Variants in MAF observed in about 807,000 individuals in gnomAD.
MAF encodes MAF bZIP transcription factor.
Under a neutral mutation model 22.0 loss-of-function variants are expected in MAF, and 10 were observed. The observed-to-expected ratio is 0.45, with a 90% CI of 0.28 to 0.77. The LOEUF (loss-of-function observed/expected upper bound fraction) is 0.77, where lower values mean the gene tolerates loss of function less well. MAF is among the 30% of genes least tolerant of loss of function. The pLI is 0.12. For synonymous variants in MAF, 337 were observed against 255.8 expected (o/e 1.32, Z -3.03); for missense variants, 544 against 548.4 (o/e 0.99, Z 0.08).
At chr16:79,323,971 C>A in the MAF span, among the ~76,000 whole-genome samples, 3 of 152,116 alleles carry the variant, frequency 2.0e-5, no homozygotes, top group South Asian at 2.1e-4. Context: ...ACACCCAGAA[C>A]GTTCCAGAGC....
chr16:79,326,547 T>G, the MAF span, among the ~76,000 whole-genome samples: 2 of 152,224 alleles, frequency 1.3e-5, no homozygotes, highest in African/African-American at 2.4e-5. Context: ...CACCCTAAAT[T>G]AGTTTTAGAG....
the MAF span, among the ~76,000 whole-genome samples, chr16:79,328,921 C>T: frequency 6.6e-6 from 1 of 152,148 alleles, no homozygotes; most frequent in African/African-American, 2.4e-5. Flanking sequence ...AAGGGCATAA[C>T]TGGGTGCAGA....
At chr16:79,317,346 C>G in the MAF span, among the ~76,000 whole-genome samples, 32 of 135,682 alleles carry the variant, frequency 2.4e-4, 1 homozygote, top group African/African-American at 6.4e-4. Context: ...TTCCTTTCTT[C>G]TCCTTCCTTC....
chr16:79,213,758 G>A, the MAF span, among the ~76,000 whole-genome samples: 1 of 151,860 alleles, frequency 6.6e-6, no homozygotes, highest in Non-Finnish European at 1.5e-5. Context: ...ATTCAGAGGA[G>A]AAGAAACTGC....
chr16:79,587,709 A>C (rs1226303161), intron 1 of MAF, among the ~76,000 whole-genome samples: 2 of 151,708 alleles, frequency 1.3e-5, no homozygotes, highest in Non-Finnish European at 2.9e-5. Context: ...TTTTTGGAGG[A>C]AAAAAAACAG....
chr16:79,526,729 T>C, the MAF span, among the ~76,000 whole-genome samples: 6 of 152,128 alleles, frequency 3.9e-5, no homozygotes. Context: ...CATTTGTTCA[T>C]TTCTGTGGTG....
At chr16:79,320,227 G>A in the MAF span, among the ~76,000 whole-genome samples, 2 of 152,156 alleles carry the variant, frequency 1.3e-5, no homozygotes, top group African/African-American at 4.8e-5. Flanking sequence ...TTTGTCTGAT[G>A]TCTCTCTCTA....
chr16:79,335,167 G>A, the MAF span, among the ~76,000 whole-genome samples: 1 of 141,262 alleles, frequency 7.1e-6, no homozygotes, highest in Non-Finnish European at 1.5e-5. Context: ...CCTGGCGACA[G>A]AGCGAGACTC....
At chr16:79,258,565 G>A in the MAF span, among the ~76,000 whole-genome samples, 2 of 152,306 alleles carry the variant, frequency 1.3e-5, no homozygotes, top group Middle Eastern at 3.4e-3. Context: ...GAAGGTCTCT[G>A]ATGGGCATTT....
chr16:79,375,337 G>A, the MAF span, among the ~76,000 whole-genome samples: 1 of 152,120 alleles, frequency 6.6e-6, no homozygotes, highest in Non-Finnish European at 1.5e-5. Flanking sequence ...TCCTCCTAAA[G>A]TTCCACATTG....
the MAF span, among the ~76,000 whole-genome samples, chr16:79,320,215 T>C: frequency 6.6e-6 from 1 of 152,196 alleles, no homozygotes; most frequent in African/African-American, 2.4e-5. Flanking sequence ...GACAGAGTGA[T>C]CTTTGTCTGA....
At chr16:79,578,861 G>A in the MAF span, among the ~76,000 whole-genome samples, 3 of 152,108 alleles carry the variant, frequency 2.0e-5, no homozygotes, top group African/African-American at 7.2e-5. Flanking sequence ...TCTGAGTACA[G>A]AAATTTATTT....
chr16:79,495,833 A>G, the MAF span, among the ~76,000 whole-genome samples: 1 of 152,212 alleles, frequency 6.6e-6, no homozygotes, highest in Non-Finnish European at 1.5e-5. Flanking sequence ...CACCAGCCAC[A>G]CGTCAAGCTT....
At chr16:79,281,775 G>A in the MAF span, among the ~76,000 whole-genome samples, 1 of 152,052 alleles carries the variant, frequency 6.6e-6, no homozygotes, top group Non-Finnish European at 1.5e-5. Flanking sequence ...TCCATCTCTT[G>A]ACCTTGTGAT....
the MAF span, among the ~76,000 whole-genome samples, chr16:79,393,194 T>C: frequency 3.5e-4 from 54 of 152,356 alleles, no homozygotes; most frequent in African/African-American, 1.3e-3. Flanking sequence ...CCAATATGTT[T>C]TGGCAGCCTG....
the MAF span, among the ~76,000 whole-genome samples, chr16:79,412,919 G>A: frequency 6.6e-6 from 1 of 152,228 alleles, no homozygotes; most frequent in African/African-American, 2.4e-5. Flanking sequence ...GCCTTGCCCT[G>A]TAGGTATGTA....
chr16:79,540,852 C>T, the MAF span, among the ~76,000 whole-genome samples: 5 of 151,028 alleles, frequency 3.3e-5, no homozygotes, highest in East Asian at 3.9e-4. Context: ...AAAAATTTAG[C>T]GGCATCTGCA....
the MAF span, among the ~76,000 whole-genome samples, chr16:79,225,075 G>A: frequency 2.0e-5 from 3 of 152,054 alleles, no homozygotes; most frequent in Admixed American, 2.0e-4. Context: ...AGCAAAAAGA[G>A]CAAAGCTGGA....
chr16:79,223,566 A>T, the MAF span, among the ~76,000 whole-genome samples: 1 of 152,226 alleles, frequency 6.6e-6, no homozygotes, highest in Non-Finnish European at 1.5e-5. Context: ...AAATCAATGA[A>T]TCCAGAAACT....
Sources: gnomAD v4.1 joint callset for allele counts (sites outside exome capture counted in the v4.1 genomes callset) on GRCh38, gnomAD v4.1.1 for gene constraint, MANE v1.5 for transcripts, NCBI Gene and HGNC (gene_info 2026-07-23, HGNC 2026-07-21) for gene names.